DOCK11: variants seen among roughly 807,000 people sequenced by gnomAD.
DOCK11 encodes dedicator of cytokinesis protein 11.
A neutral mutation model predicts 169.1 loss-of-function variants in DOCK11; 70 were observed. The observed-to-expected ratio is 0.41, with a 90% confidence interval of 0.34 to 0.51. DOCK11 has a LOEUF of 0.51. DOCK11 is among the 20% of genes least tolerant of loss of function. DOCK11 has a pLI of 0.10. For missense variants in DOCK11, 1,166 were observed against 1,538.8 expected (o/e 0.76, Z 4.05); for synonymous variants, 529 against 541.3 (o/e 0.98, Z 0.32).
At chrX:118,534,911 G>A (rs1475757719) in intron 1 of DOCK11, among the ~76,000 whole-genome samples, 2 of 111,041 alleles carry the variant, frequency 1.8e-5, no homozygotes, top group Non-Finnish European at 3.8e-5. Context: ...AATTGAATCT[G>A]CCAACTCCTT....
Position 118,642,097 on chromosome X carries a change from T to G in DOCK11, c.4260+792T>G, listed in dbSNP as rs143784497. ...TTTAATAAATAGGCTACAGATCCCTTTATGAAGTATTAGGTTTGTTCTATA... is the reference window on the plus strand; with the variant it reads ...TTTAATAAATAGGCTACAGATCCCTGTATGAAGTATTAGGTTTGTTCTATA... On this transcript the variant is annotated intron_variant, in intron 39 of 52. Transcript: ENST00000276202. Among the ~76,000 whole-genome samples, 454 of 111,919 alleles carry G rather than the reference T, an allele frequency of 4.1e-3. 4 individuals carry two copies. The Middle Eastern group carries it at 0.068, about 17-fold the overall frequency.
intron 1 of DOCK11, among the ~76,000 whole-genome samples, chrX:118,512,539 A>G (rs1188427691): frequency 8.9e-6 from 1 of 111,954 alleles, no homozygotes; most frequent in African/African-American, 3.2e-5. Context: ...TGCATGATGC[A>G]GGACCTCAAA....
intron 1 of DOCK11, among the ~76,000 whole-genome samples, chrX:118,541,154 A>G (rs1407255371): frequency 8.9e-6 from 1 of 112,167 alleles, no homozygotes; most frequent in Admixed American, 9.5e-5. Flanking sequence ...GGTAAGTTCA[A>G]TGAAGGAAAA....
intron 45 of DOCK11, among the ~76,000 whole-genome samples, chrX:118,668,970 T>A (rs1332680399): frequency 9.0e-6 from 1 of 111,618 alleles, no homozygotes; most frequent in Non-Finnish European, 1.9e-5. Context: ...TGATGAATGA[T>A]GAGATTATGG....
At chrX:118,584,269 A>G (rs1235521969) in intron 14 of DOCK11, among the ~76,000 whole-genome samples, 1 of 110,529 alleles carries the variant, frequency 9.0e-6, no homozygotes, top group Non-Finnish European at 1.9e-5. Context: ...ATGACTTTTA[A>G]TCTCTTTTGC....
At chrX:118,586,481 A>T in intron 16 of DOCK11, among the ~76,000 whole-genome samples, 1 of 111,386 alleles carries the variant, frequency 9.0e-6, no homozygotes. Flanking sequence ...TCACAAGAAC[A>T]GCATGGGGGA....
At chrX:118,596,820 C>CACCT (rs1479262144) in intron 20 of DOCK11, among the ~76,000 whole-genome samples, 2 of 112,036 alleles carry the variant, frequency 1.8e-5, no homozygotes, top group East Asian at 5.6e-4. Context: ...CTCCTACCTA[C>CACCT]ACCTACACCT....
chrX:118,615,534 TATTAA>T, intron 29 of DOCK11, 61 bp from the exon 30 acceptor site: 1 of 890,677 alleles, frequency 1.1e-6, no homozygotes. Flanking sequence ...TAATGCGCTG[TATTAA>T]ATTCTTAAAA....
intron 44 of DOCK11, among the ~76,000 whole-genome samples, chrX:118,658,407 C>G (rs1351653976): frequency 8.9e-6 from 1 of 112,641 alleles, no homozygotes; most frequent in African/African-American, 3.2e-5. Context: ...AAAAAAAATA[C>G]TTTGCCCTAT....
At chrX:118,563,296 CT>C (rs1276185357) in intron 7 of DOCK11, among the ~76,000 whole-genome samples, 4 of 110,741 alleles carry the variant, frequency 3.6e-5, no homozygotes, top group Non-Finnish European at 7.6e-5. Context: ...GAGAAAATAC[CT>C]TTAGGGCATG....
At position 118,591,148 on chromosome X, in the gene DOCK11, G is replaced by A. The variant is rs186077811; in HGVS notation, c.2139+846G>A. On this transcript the variant is annotated intron_variant, in intron 19 of 52. Coordinates refer to ENST00000276202, the MANE Select transcript of DOCK11 (RefSeq NM_144658.4). ...TGGCTTGGTCTGAAACCATCCCCCC[G>A]GCTGTGGTGATTTTGCCATGTCCAC... Among the ~76,000 whole-genome samples the A allele has an allele frequency of 1.5e-3, 164 of 111,978 alleles. 1 individual carries two copies. The highest frequency in any genetic ancestry group is 2.7e-3 in the African/African-American group (83 of 30,860).
At chrX:118,647,622 ATAT>A (rs2015733152) in intron 40 of DOCK11, among the ~76,000 whole-genome samples, 13 of 64,443 alleles carry the variant, frequency 2.0e-4, no homozygotes, top group Non-Finnish European at 2.6e-4. Flanking sequence ...AATATATAAG[ATAT>A]ATTATATGTT....
chrX:118,568,256 C>G (rs1364465860), intron 10 of DOCK11, 94 bp downstream of exon 10: 1 of 509,333 alleles, frequency 2.0e-6, no homozygotes, highest in African/African-American at 2.5e-5. Flanking sequence ...TTTTCTTGCA[C>G]CAGTGGGGAA....
intron 45 of DOCK11, among the ~76,000 whole-genome samples, chrX:118,667,258 T>C (rs1213598252): frequency 9.0e-6 from 1 of 111,308 alleles, no homozygotes. Context: ...AATAATTTGT[T>C]CTTTTTGTAT....
chrX:118,517,773 T>G (rs1376402105), intron 1 of DOCK11, among the ~76,000 whole-genome samples: 1 of 112,118 alleles, frequency 8.9e-6, no homozygotes, highest in Non-Finnish European at 1.9e-5. Flanking sequence ...TCTTCTTAAG[T>G]ATTATTCCCT....
chrX:118,641,919 A>AT lies in DOCK11; in HGVS notation c.4260+624dup, dbSNP rs761181240. ...GCTTGCTTTCACTTCAGTTATACAG[A>AT]TTTTTTTTTTCCTTTTTCCCCTCTT... On this transcript the variant is annotated intron_variant, in intron 39 of 52. Transcript: ENST00000276202. 9.7e-3 allele frequency among the ~76,000 whole-genome samples: 1,054 copies of AT among 108,919 alleles called. 21 individuals carry two copies. The highest frequency in any genetic ancestry group is 0.033 in the African/African-American group (977 of 29,960). 94.6% of individuals were successfully genotyped at this position (108,919 alleles called of 115,157 possible). A position where few individuals can be genotyped will look rare whatever the true frequency, so the allele number is the denominator to read the frequency against.
chrX:118,647,823 TATA>T (rs2015773110), intron 40 of DOCK11, among the ~76,000 whole-genome samples: 6 of 47,948 alleles, frequency 1.3e-4, no homozygotes, highest in African/African-American at 2.0e-4. Context: ...ATTATATTAT[TATA>T]ATATAATATT....
At chrX:118,649,221 A>C in intron 41 of DOCK11, 94 bp downstream of exon 41, 1 of 703,446 alleles carries the variant, frequency 1.4e-6, no homozygotes, top group Non-Finnish European at 2.0e-6. Context: ...GTCCAATACA[A>C]TGTGGCCATC....
chrX:118,685,905 T>C lies in DOCK11; in HGVS notation c.*98T>C, dbSNP rs2016848115. 9.5e-7 allele frequency: 1 copy of C among 1,057,511 alleles called. No homozygotes were observed. The highest frequency in any genetic ancestry group is 1.9e-5 in the African/African-American group (1 of 53,955). 87.2% of individuals were successfully genotyped at this position (1,057,511 alleles called of 1,213,427 possible). A position where few individuals can be genotyped will look rare whatever the true frequency, so the allele number is the denominator to read the frequency against. On this transcript the variant is annotated 3_prime_UTR_variant, in exon 53 of 53. Transcript: ENST00000276202. The stretch of plus-strand genomic sequence containing the variant: ...TTAAAGATTTGATATACATGGAGTG[T>C]TTCTTCTCGACACCAAAATTTTCAT...
Sources: gnomAD v4.1 joint callset for allele counts (sites outside exome capture counted in the v4.1 genomes callset) on GRCh38, gnomAD v4.1.1 for gene constraint, MANE v1.5 for transcripts, NCBI Gene and HGNC (gene_info 2026-07-23, HGNC 2026-07-21) for gene names.